Variants in MEDAG observed in about 807,000 individuals in gnomAD.
The protein encoded by MEDAG is mesenteric estrogen dependent adipogenesis, also known as mesenteric estrogen-dependent adipogenesis protein.
Under a neutral mutation model 29.9 loss-of-function variants are expected in MEDAG, and 25 were observed. The ratio of observed to expected loss-of-function variants is 0.84; its 90% CI spans 0.61 to 1.17. The LOEUF is 1.17. MEDAG is among the 50% of genes most tolerant of loss of function. The pLI is 0.00. For synonymous variants in MEDAG, 158 were observed against 148.2 expected (o/e 1.07, Z -0.48); for missense variants, 398 against 372.9 (o/e 1.07, Z -0.56).
intron 2 of MEDAG, among the ~76,000 whole-genome samples, chr13:30,920,457 C>T (rs1269196683): frequency 2.0e-5 from 3 of 151,920 alleles, no homozygotes; most frequent in African/African-American, 7.3e-5. Context: ...GGCATGGTGG[C>T]GAATGCCTGT....
In MEDAG at chr13:30,906,813, G is replaced by T; in HGVS notation, c.278+20G>T. The T allele has an allele frequency of 7.6e-6, 11 of 1,440,814 alleles. No homozygotes were observed. The highest frequency in any genetic ancestry group is 9.0e-6 in the Non-Finnish European group (10 of 1,105,338). 89.3% of individuals were successfully genotyped at this position (1,440,814 alleles called of 1,614,324 possible). On this transcript the variant is annotated intron_variant, in intron 1 of 4. Coordinates refer to ENST00000380482, the MANE Select transcript of MEDAG (RefSeq NM_032849.4). ...CAAGAGGTGGGTGGCCTCGCCGTGC[G>T]CCCTGGCCCGTCGCCTGGTACCCGC...
chr13:30,911,223 C>T (rs1952879287), intron 1 of MEDAG, among the ~76,000 whole-genome samples: 1 of 152,134 alleles, frequency 6.6e-6, no homozygotes, highest in Non-Finnish European at 1.5e-5. Flanking sequence ...TCATGGGGTG[C>T]CTTTTTTTAG....
rs201660594 is a variant in MEDAG at position 30,921,165 on chromosome 13, A to G, written c.501+39A>G. 14 of 1,534,954 alleles carry G rather than the reference A, an allele frequency of 9.1e-6. No individual in the cohort carries two copies. The East Asian group carries it at 2.3e-4, about 25-fold the overall frequency. ...GTCTGAATCCAGGGCTGTCAACCAC[A>G]TGGAAGGAGCTTGTGCATTTCATGC... On this transcript the variant is annotated intron_variant, in intron 3 of 4. Coordinates refer to ENST00000380482, the MANE Select transcript of MEDAG (RefSeq NM_032849.4).
At chr13:30,923,939 G>A (rs1212459064) in intron 4 of MEDAG, among the ~76,000 whole-genome samples, 4 of 152,148 alleles carry the variant, frequency 2.6e-5, no homozygotes, top group African/African-American at 9.7e-5. Flanking sequence ...CTTGTCACGT[G>A]GTCCAAACCT....
rs142775645 is a variant in MEDAG, at chr13:30,914,193, C to T, written c.279-3210C>T. Among the ~76,000 whole-genome samples, 1,210 of 152,244 alleles carry T rather than the reference C, an allele frequency of 7.9e-3. 34 individuals carry two copies. The highest frequency in any genetic ancestry group is 5.1e-3 in the Non-Finnish European group (348 of 68,030). On this transcript the variant is annotated intron_variant, in intron 1 of 4. Coordinates refer to ENST00000380482, the MANE Select transcript of MEDAG (RefSeq NM_032849.4). ...TAACAACTAAATTCTCCGATCTTAT[C>T]GTGTTTTAGTGAATGCTCACATTTA...
rs572640485 is a variant in MEDAG, at chr13:30,906,462, G to C, written c.-54G>C. ...TCCTGGGGACCATCAGGTGCCGGCT[G>C]GGGGCTGTAGGCACCGGACGGAAGC... On this transcript the variant is annotated 5_prime_UTR_variant, in exon 1 of 5. Transcript: ENST00000380482. The C allele has an allele frequency of 1.5e-3, 2,172 of 1,405,336 alleles. 6 individuals are homozygous for C. The highest frequency in any genetic ancestry group is 1.5e-3 in the Non-Finnish European group (1,673 of 1,084,634). 87.1% of individuals were successfully genotyped at this position (1,405,336 alleles called of 1,614,324 possible). A position where few individuals can be genotyped will look rare whatever the true frequency, so the allele number is the denominator to read the frequency against.
chr13:30,916,934 A>C (rs1354465345), intron 1 of MEDAG, among the ~76,000 whole-genome samples: 1 of 152,210 alleles, frequency 6.6e-6, no homozygotes, highest in Non-Finnish European at 1.5e-5. Flanking sequence ...TCTGTAATCT[A>C]TGGAGGGGGC....
rs192625314 is a variant in MEDAG, at chr13:30,917,058, C to T, written c.279-345C>T. On this transcript the variant is annotated intron_variant, in intron 1 of 4. Coordinates refer to ENST00000380482, the MANE Select transcript of MEDAG (RefSeq NM_032849.4). ...AATTCAGCTAATTCTACTATTATGT[C>T]GAATTCATTATCAATTCAGAGGGAC... Among the ~76,000 whole-genome samples the T allele has an allele frequency of 1.0e-3, 153 of 152,232 alleles. 1 individual carries two copies. Among genetic ancestry groups the T allele is most frequent in the African/African-American group, 3.6e-3 (149 of 41,532 alleles).
intron 1 of MEDAG, among the ~76,000 whole-genome samples, chr13:30,908,195 C>T (rs985001773): frequency 6.6e-6 from 1 of 152,206 alleles, no homozygotes; most frequent in African/African-American, 2.4e-5. Context: ...TTGCTTTGAA[C>T]ACCTCCTACA....
chr13:30,907,507 A>G (rs1952842001), intron 1 of MEDAG, among the ~76,000 whole-genome samples: 1 of 152,176 alleles, frequency 6.6e-6, no homozygotes, highest in Non-Finnish European at 1.5e-5. Context: ...AGTGCCCCCA[A>G]GCTCTTCTTG....
At chr13:30,924,224 GTTA>G (rs1953017871) in intron 4 of MEDAG, 84 bp from the exon 5 acceptor site, 1 of 1,327,408 alleles carries the variant, frequency 7.5e-7, no homozygotes, top group Non-Finnish European at 1.0e-6. Flanking sequence ...TATTAAAATA[GTTA>G]GGTTGCATGA....
At position 30,906,411 on chromosome 13, in the gene MEDAG, C is replaced by A; in HGVS notation, c.-105C>A. The A allele has an allele frequency of 1.6e-6, 2 of 1,247,668 alleles. No homozygotes were observed. Among genetic ancestry groups the A allele is most frequent in the Non-Finnish European group, 2.1e-6 (2 of 966,290 alleles). 77.3% of individuals were successfully genotyped at this position (1,247,668 alleles called of 1,614,324 possible). On this transcript the variant is annotated 5_prime_UTR_variant, in exon 1 of 5. The change creates a new upstream start codon in the 5' untranslated region. Coordinates refer to ENST00000380482, the MANE Select transcript of MEDAG (RefSeq NM_032849.4). ...GACCCCCTCCTCACCTCGCGCGCGG[C>A]TGACGCAGGCAGGGCGCCCGGCCCC...
Position 30,906,614 on chromosome 13 carries a change from CCTGCTGCCGCTGGCTCAG to C in MEDAG, c.107_124del (p.Pro36_Leu41del). Reference sequence around the variant, plus strand: ...TGTGGACCTGCGACTGCGAGCTGGCCCTGCTGCCGCTGGCTCAGCTGCTGCGCCTGCAGCCCGGTGCCT... The same window carrying C: ...TGTGGACCTGCGACTGCGAGCTGGCCCTGCTGCGCCTGCAGCCCGGTGCCT... On this transcript the variant is annotated inframe_deletion, in exon 1 of 5. Transcript: ENST00000380482. 6.3e-7 allele frequency: 1 copy of C among 1,585,140 alleles called. No individual in the cohort carries two copies. Among genetic ancestry groups the C allele is most frequent in the Non-Finnish European group, 8.5e-7 (1 of 1,174,508 alleles).
At chr13:30,916,676 A>G (rs1468804926) in intron 1 of MEDAG, 2 of 152,230 alleles carry the variant, frequency 1.3e-5, no homozygotes, top group Non-Finnish European at 2.9e-5. Flanking sequence ...CTTTTTATGA[A>G]CAATGCTGAC....
At chr13:30,909,047 G>A (rs888190517) in intron 1 of MEDAG, 1 of 150,844 alleles carries the variant, frequency 6.6e-6, no homozygotes, top group African/African-American at 2.5e-5. Flanking sequence ...AATCTTGGAG[G>A]TGGAGCTTGC....
chr13:30,906,650 C>G lies in MEDAG; in HGVS notation c.135C>G (p.Pro45=), dbSNP rs2138111742. 6.4e-7 allele frequency: 1 copy of G among 1,571,820 alleles called. No homozygotes were observed. The highest frequency in any genetic ancestry group is 1.1e-5 in the South Asian group (1 of 87,538). The part of the protein sequence containing the change: ...LPLAQLLRLQ[P]GAFQLSGDQL... ...TGGCTCAGCTGCTGCGCCTGCAGCC[C>G]GGTGCCTTCCAGCTGAGCGGCGACC... Residue 45 remains proline (P), a synonymous_variant, in exon 1 of 5, where the codon CCC becomes CCG. Transcript: ENST00000380482.
chr13:30,917,375 A>G (rs757191639), intron 1 of MEDAG, 28 bp from the exon 2 acceptor site: 16 of 1,292,590 alleles, frequency 1.2e-5, no homozygotes, highest in Middle Eastern at 1.8e-4. Flanking sequence ...GGTACGTTAC[A>G]TTTGCAATGA....
At chr13:30,908,565 C>T (rs573896021) in intron 1 of MEDAG, among the ~76,000 whole-genome samples, 46 of 152,158 alleles carry the variant, frequency 3.0e-4, no homozygotes, top group Admixed American at 5.2e-4. Flanking sequence ...GTTCTGCCCT[C>T]GGGAATCAGG....
rs1056625566 is a variant in MEDAG at position 30,923,492 on chromosome 13, G to C, written c.788-819G>C. Among the ~76,000 whole-genome samples, 43 of 151,572 alleles carry C rather than the reference G, an allele frequency of 2.8e-4. 1 individual carries two copies. The highest frequency in any genetic ancestry group is 9.2e-4 in the African/African-American group (38 of 41,188). ...TCTTTCTCTGTCTCTCTGTCTTTCT[G>C]TTCATCTCTTCCCATGTTGTTTCAG... On this transcript the variant is annotated intron_variant, in intron 4 of 4. Coordinates refer to ENST00000380482, the MANE Select transcript of MEDAG (RefSeq NM_032849.4).
Sources: allele counts gnomAD v4.1 joint callset (sites outside exome capture counted in the v4.1 genomes callset), GRCh38; gene constraint gnomAD v4.1.1; transcripts MANE v1.5; gene names NCBI Gene and HGNC (gene_info 2026-07-23, HGNC 2026-07-21).